RNF126: variants seen among roughly 807,000 people sequenced by gnomAD.
RNF126 encodes ring finger protein 126.
Under a neutral mutation model 41.9 loss-of-function variants are expected in RNF126, and 20 were observed. That is an observed-to-expected ratio of 0.48 (90% CI 0.34 to 0.69). RNF126 has a LOEUF of 0.69. Among genes scored for constraint, RNF126 ranks in the 30% least tolerant of loss-of-function variants. RNF126 has a pLI of 0.01. For missense variants in RNF126, 433 were observed against 460.6 expected (o/e 0.94, Z 0.55); for synonymous variants, 239 against 202.9 (o/e 1.18, Z -1.51).
chr19:657,374 C>A (rs1339406694), intron 1 of RNF126, among the ~76,000 whole-genome samples: 1 of 152,218 alleles, frequency 6.6e-6, no homozygotes, highest in African/African-American at 2.4e-5. Context: ...CGCATGCTCC[C>A]GCCACCCGCA....
At chr19:652,169 G>T in intron 3 of RNF126, 64 bp downstream of exon 3, 1 of 1,320,090 alleles carries the variant, frequency 7.6e-7, no homozygotes, top group Non-Finnish European at 1.0e-6. Context: ...GTGGGGACAG[G>T]CTGGCGCTCG....
At chr19:648,737 G>A (rs111749235) in intron 7 of RNF126, 145 bp downstream of exon 7, 6 of 649,076 alleles carry the variant, frequency 9.2e-6, no homozygotes, top group African/African-American at 9.1e-5. Flanking sequence ...GGGAGGCCGA[G>A]GCAGGAGGAT....
chr19:648,563 C>G, intron 7 of RNF126, 76 bp from the exon 8 acceptor site: 2 of 1,250,558 alleles, frequency 1.6e-6, no homozygotes, highest in Non-Finnish European at 2.2e-6. Flanking sequence ...TACTCCACAG[C>G]CTCAGCCGGA....
intron 1 of RNF126, among the ~76,000 whole-genome samples, chr19:661,719 T>C (rs1045974190): frequency 6.6e-6 from 1 of 152,208 alleles, no homozygotes; most frequent in Non-Finnish European, 1.5e-5. Context: ...GGAACTGCAC[T>C]GCTTCTGGGG....
Position 647,755 on chromosome 19 carries a change from G to A in RNF126, c.*373C>T, listed in dbSNP as rs898124131. 27 of 341,704 alleles carry A rather than the reference G, an allele frequency of 7.9e-5. No homozygotes were observed. The highest frequency in any genetic ancestry group is 1.2e-4 in the Non-Finnish European group (22 of 176,624). 21.2% of individuals were successfully genotyped at this position (341,704 alleles called of 1,614,324 possible). On this transcript the variant is annotated 3_prime_UTR_variant, in exon 9 of 9. Coordinates refer to ENST00000292363, the MANE Select transcript of RNF126 (RefSeq NM_194460.3). The stretch of plus-strand genomic sequence containing the variant: ...GAGCCGCTGAACCCCGTGCTTCAGC[G>A]CTGGGGGAGCCGCTGGGCCCCGTCT...
At position 647,915 on chromosome 19, in the gene RNF126, C is replaced by A; in HGVS notation, c.*213G>T. ...TGAGGTTAGACAGAGGACGGGGAGG[C>A]TGGGGACGCCCCAGAGGGGACCATG... On this transcript the variant is annotated 3_prime_UTR_variant, in exon 9 of 9. Transcript: ENST00000292363. 1 of 638,882 alleles carries A rather than the reference C, an allele frequency of 1.6e-6. No homozygotes were observed. Among genetic ancestry groups the A allele is most frequent in the Non-Finnish European group, 2.8e-6 (1 of 363,258 alleles). The allele number at this position is 638,882 out of a possible 1,614,324, so 39.6% of individuals were successfully genotyped here. A position where few individuals can be genotyped will look rare whatever the true frequency, so the allele number is the denominator to read the frequency against.
intron 4 of RNF126, 83 bp from the exon 5 acceptor site, chr19:650,379 C>G: frequency 8.2e-7 from 1 of 1,223,790 alleles, no homozygotes; most frequent in East Asian, 2.5e-5. Flanking sequence ...GTGGTGAGCA[C>G]CAAGGGCAGG....
At chr19:649,991 C>G (rs2030194631) in intron 5 of RNF126, among the ~76,000 whole-genome samples, 3 of 148,268 alleles carry the variant, frequency 2.0e-5, no homozygotes, top group Admixed American at 6.7e-5. Flanking sequence ...GACAGGCACC[C>G]CCACCCACTC....
intron 1 of RNF126, among the ~76,000 whole-genome samples, chr19:660,517 C>A (rs531561821): frequency 5.3e-5 from 8 of 152,348 alleles, no homozygotes; most frequent in East Asian, 1.9e-4. Flanking sequence ...AGCTCCCCAG[C>A]GGCAGAGACG....
Position 652,848 on chromosome 19 carries a change from C to G in RNF126, c.112G>C (p.Glu38Gln). ...TACCTGGTCTCTTCCGGAAGCTCCTCGATAAAACCAGACTCGCATCTTGGA... is the reference window on the plus strand; with the variant it reads ...TACCTGGTCTCTTCCGGAAGCTCCTGGATAAAACCAGACTCGCATCTTGGA... ...ICPRCESGFI[E>Q]ELPEETRSTE... The change falls in exon 2 of 9, where the codon GAG becomes CAG. Residue 38 changes from glutamate (E) to glutamine (Q), a missense_variant. Physicochemically the swap from Glu to Gln is conservative, Grantham distance 29. Around this residue, in one of 5 missense-constraint regions of RNF126, gnomAD observed 247 missense variants for 224.7 expected, o/e 1.10. Transcript: ENST00000292363. The G allele has an allele frequency of 6.2e-7, 1 of 1,613,326 alleles. No homozygotes were observed. The highest frequency in any genetic ancestry group is 8.5e-7 in the Non-Finnish European group (1 of 1,179,782).
In RNF126 at chr19:648,904, G is replaced by C. The variant is rs748264977; in HGVS notation, c.648C>G (p.Val216=). ...DKEKIQALPT[V]PVTEEHVGSG... ...TACCTACGTGCTCCTCAGTGACGGG[G>C]ACGGTGGGGAGGGCCTGGATTTTCT... The change falls in exon 7 of 9, where the codon GTC becomes GTG. Residue 216 remains valine (V), a synonymous_variant. Transcript: ENST00000292363. The C allele has an allele frequency of 6.3e-6, 9 of 1,436,326 alleles. No homozygotes were observed. The highest frequency in any genetic ancestry group is 8.2e-6 in the Non-Finnish European group (9 of 1,094,112). 89.0% of individuals were successfully genotyped at this position (1,436,326 alleles called of 1,614,324 possible). A position where few individuals can be genotyped will look rare whatever the true frequency, so the allele number is the denominator to read the frequency against.
At position 648,943 on chromosome 19, in the gene RNF126, TG is replaced by T. The variant is rs1414482648; in HGVS notation, c.608del (p.Pro203HisfsTer21). On this transcript the variant is annotated frameshift_variant, in exon 7 of 9. Transcript: ENST00000292363. LOFTEE classifies it high-confidence loss of function. The part of the protein sequence containing the change: ...LLNQFENTGP[P>X]PADKEKIQAL... ...CCTGGATTTTCTCTTTATCTGCCGG[TG>T]GGGGGCCTGTGTTTTCAAACTGATT... is the stretch of plus-strand genomic sequence containing the variant. 4 of 1,425,526 alleles carry T rather than the reference TG, an allele frequency of 2.8e-6. No individual in the cohort carries two copies. Among genetic ancestry groups the T allele is most frequent in the South Asian group, 3.5e-5 (2 of 56,488 alleles). The allele number at this position is 1,425,526 out of a possible 1,614,324, so 88.3% of individuals were successfully genotyped here. A position where few individuals can be genotyped will look rare whatever the true frequency, so the allele number is the denominator to read the frequency against.
In RNF126 at chr19:648,069, T is replaced by C; in HGVS notation, c.*59A>G. 1 of 1,485,450 alleles carries C rather than the reference T, an allele frequency of 6.7e-7. No individual in the cohort carries two copies. The highest frequency in any genetic ancestry group is 1.4e-5 in the African/African-American group (1 of 71,380). 92.0% of individuals were successfully genotyped at this position (1,485,450 alleles called of 1,614,324 possible). ...GGGCACCCAGTCTGTGGGTGCCGTG[T>C]GGCGCTGGCTGAGGGTGGGTGGGAA... On this transcript the variant is annotated 3_prime_UTR_variant, in exon 9 of 9. Coordinates refer to ENST00000292363, the MANE Select transcript of RNF126 (RefSeq NM_194460.3).
chr19:648,340 GGGGT>G, intron 8 of RNF126, 28 bp downstream of exon 8: 1 of 1,361,834 alleles, frequency 7.3e-7, no homozygotes, highest in Non-Finnish European at 9.9e-7. Context: ...GGCCGCGGTC[GGGGT>G]GGGGGGGCGG....
chr19:662,983 C>T (rs2030875946), intron 1 of RNF126, 64 bp downstream of exon 1: 1 of 826,272 alleles, frequency 1.2e-6, no homozygotes, highest in Non-Finnish European at 1.6e-6. Flanking sequence ...CCCACCCCGG[C>T]CCCGGCCTTG....
chr19:648,333 C>T (rs766826834), intron 8 of RNF126, 39 bp downstream of exon 8: 33 of 251,612 alleles, frequency 1.3e-4, no homozygotes, highest in Middle Eastern at 1.3e-3. Flanking sequence ...GCGGGAGGGC[C>T]GCGGTCGGGG....
chr19:647,989 C>T lies in RNF126; in HGVS notation c.*139G>A, dbSNP rs1235235703. The T allele has an allele frequency of 5.4e-6, 6 of 1,110,940 alleles. No individual in the cohort carries two copies. Among genetic ancestry groups the T allele is most frequent in the Middle Eastern group, 5.0e-4 (2 of 3,992 alleles). The allele number at this position is 1,110,940 out of a possible 1,614,324, so 68.8% of individuals were successfully genotyped here. A position where few individuals can be genotyped will look rare whatever the true frequency, so the allele number is the denominator to read the frequency against. On this transcript the variant is annotated 3_prime_UTR_variant, in exon 9 of 9. Coordinates refer to ENST00000292363, the MANE Select transcript of RNF126 (RefSeq NM_194460.3). ...GGGGCCGGTGGGCCGGGCCCGGGTCCTGCCCTGGAACAGGCGGGACCTGCA... is the reference window on the plus strand; with the variant it reads ...GGGGCCGGTGGGCCGGGCCCGGGTCTTGCCCTGGAACAGGCGGGACCTGCA...
Position 661,154 on chromosome 19 carries a change from G to A in RNF126, c.75+1893C>T, listed in dbSNP as rs558065919. Among the ~76,000 whole-genome samples the A allele has an allele frequency of 3.6e-4, 55 of 152,360 alleles. 1 individual carries two copies. The Middle Eastern group carries it at 0.01, about 28-fold the overall frequency. ...CCAGTGACAGTCGGAGGAGGTCAAG[G>A]TCCTCCGTGTCCAAGGCCACGGGGC... On this transcript the variant is annotated intron_variant, in intron 1 of 8. Transcript: ENST00000292363.
intron 4 of RNF126, among the ~76,000 whole-genome samples, chr19:650,888 A>C (rs1375203573): frequency 6.6e-6 from 1 of 152,004 alleles, no homozygotes; most frequent in Non-Finnish European, 1.5e-5. Flanking sequence ...CACCTCACCC[A>C]GCCTCAGCTA....
Sources: allele counts gnomAD v4.1 joint callset (sites outside exome capture counted in the v4.1 genomes callset), GRCh38; gene constraint gnomAD v4.1.1; regional missense constraint gnomAD v4.1.1; transcripts MANE v1.5; gene names NCBI Gene and HGNC (gene_info 2026-07-23, HGNC 2026-07-21).